AOAH: variants seen among roughly 807,000 people sequenced by gnomAD.
AOAH encodes the protein acyloxyacyl hydrolase (neutrophil).
AOAH carries 64 observed loss-of-function variants against 92.2 expected under a neutral mutation model. That is an observed-to-expected ratio of 0.69 (90% CI 0.57 to 0.86). The LOEUF is 0.86. Among genes scored for constraint, AOAH ranks in the 40% least tolerant of loss-of-function variants. AOAH has a pLI of 0.00. For missense variants in AOAH, 656 were observed against 694.6 expected, an observed-to-expected ratio of 0.94 and a Z score of 0.62; for synonymous variants, 263 against 254.5, an observed-to-expected ratio of 1.03 and a Z score of -0.32.
chr7:36,589,669 A>T (rs958276966), intron 12 of AOAH, among the ~76,000 whole-genome samples: 47 of 152,324 alleles, frequency 3.1e-4, no homozygotes, highest in Middle Eastern at 3.4e-3. Context: ...GGAATGCTAA[A>T]TGTTCCACCT....
At chr7:36,582,738 G>A (rs1191865899) in intron 12 of AOAH, among the ~76,000 whole-genome samples, 1 of 152,172 alleles carries the variant, frequency 6.6e-6, no homozygotes, top group Non-Finnish European at 1.5e-5. Flanking sequence ...GGCAAAAATG[G>A]AGTTCTTCCA....
chr7:36,692,369 A>G (rs1278660697), intron 1 of AOAH, among the ~76,000 whole-genome samples: 2 of 152,216 alleles, frequency 1.3e-5, no homozygotes, highest in African/African-American at 2.4e-5. Flanking sequence ...ATAGGGCTGA[A>G]TCTTCTTTTA....
chr7:36,653,298 A>G (rs1794692309), intron 4 of AOAH, among the ~76,000 whole-genome samples: 1 of 152,220 alleles, frequency 6.6e-6, no homozygotes, highest in South Asian at 2.1e-4. Context: ...TTCTTTTTCT[A>G]AACACTACCA....
intron 1 of AOAH, among the ~76,000 whole-genome samples, chr7:36,720,323 T>C (rs1000269741): frequency 1.4e-5 from 2 of 142,930 alleles, no homozygotes; most frequent in African/African-American, 2.5e-5. Context: ...CTAATTTTTG[T>C]ATATCTATAT....
At position 36,696,753 on chromosome 7, in the gene AOAH, G is replaced by A. The variant is rs186297923; in HGVS notation, c.128-9959C>T. Among the ~76,000 whole-genome samples the A allele has an allele frequency of 4.6e-5, 7 of 151,920 alleles. No individual in the cohort carries two copies. The East Asian group carries it at 7.7e-4, about 17-fold the overall frequency. On this transcript the variant is annotated intron_variant, in intron 1 of 20. Coordinates refer to ENST00000617537, the MANE Select transcript of AOAH (RefSeq NM_001637.4). ...TGCATGCCTGTAATCCCAGCTACTC[G>A]GGAGGCTGAGGCAGGAGAATTGCTT...
At chr7:36,549,583 GC>G in intron 13 of AOAH, 108 bp from the exon 14 acceptor site, 1 of 747,372 alleles carries the variant, frequency 1.3e-6, no homozygotes. Flanking sequence ...TACTGTTCGG[GC>G]AAAGGTTGTT....
intron 16 of AOAH, among the ~76,000 whole-genome samples, chr7:36,535,026 GTGTGTGTGTCTGTGTGTGTGTATGTGTC>G (rs1159213996): frequency 1.6e-5 from 2 of 124,910 alleles, no homozygotes; most frequent in Non-Finnish European, 3.3e-5. Flanking sequence ...GTCTGTGTCT[GTGTGTGTGTCTGTGTGTGTGTATGTGTC>G]TGTGTGTGTG....
intron 5 of AOAH, among the ~76,000 whole-genome samples, chr7:36,635,251 G>GT (rs1424700524): frequency 1.3e-5 from 2 of 152,202 alleles, no homozygotes; most frequent in East Asian, 3.9e-4. Flanking sequence ...AATCAGGGCT[G>GT]TCCCTGGGGA....
At chr7:36,517,224 C>CTTTCTTTCTTTCTTTCTT (rs1229778638) in intron 20 of AOAH, among the ~76,000 whole-genome samples, 2 of 47,586 alleles carry the variant, frequency 4.2e-5, no homozygotes, top group Non-Finnish European at 1.1e-4. Flanking sequence ...CTCTTTCTTT[C>CTTTCTTTCTTTCTTTCTT]TGTCTCTCTC....
chr7:36,568,346 T>C (rs964128416), intron 13 of AOAH, among the ~76,000 whole-genome samples: 5 of 152,248 alleles, frequency 3.3e-5, no homozygotes, highest in Non-Finnish European at 7.3e-5. Flanking sequence ...TTGCCTCTGC[T>C]GGTTCTCAAT....
intron 20 of AOAH, among the ~76,000 whole-genome samples, chr7:36,520,235 A>G (rs1474049384): frequency 6.6e-6 from 1 of 152,230 alleles, no homozygotes; most frequent in African/African-American, 2.4e-5. Context: ...TGGTCATTTG[A>G]TAGATGGGAT....
At chr7:36,648,167 T>G (rs1794353822) in intron 4 of AOAH, among the ~76,000 whole-genome samples, 1 of 152,160 alleles carries the variant, frequency 6.6e-6, no homozygotes, top group African/African-American at 2.4e-5. Flanking sequence ...CTCTTAGAGT[T>G]TTAAGCCTTC....
intron 1 of AOAH, among the ~76,000 whole-genome samples, chr7:36,718,841 A>C (rs1291656438): frequency 1.3e-5 from 2 of 152,188 alleles, no homozygotes; most frequent in Non-Finnish European, 2.9e-5. Context: ...GGAGCAGTGA[A>C]ATGTTCTGGA....
rs570557793 is a variant in AOAH at position 36,561,167 on chromosome 7, A to G, written c.1022-11692T>C. The stretch of plus-strand genomic sequence containing the variant: ...AGGGATTCTCCTGCCTCAGCCTCCC[A>G]TGTAGCTGGGATTACCAGCACCCAC... On this transcript the variant is annotated intron_variant, in intron 13 of 20. Transcript: ENST00000617537. 2.0e-5 allele frequency among the ~76,000 whole-genome samples: 3 copies of G among 149,934 alleles called. No homozygotes were observed. In the South Asian group the frequency reaches 6.3e-4, roughly 32 times the overall value.
chr7:36,579,093 G>C (rs558816954), intron 12 of AOAH, among the ~76,000 whole-genome samples: 48 of 152,200 alleles, frequency 3.2e-4, no homozygotes, highest in African/African-American at 1.2e-3. Context: ...CAACAGGGAT[G>C]GTGCTTAACC....
chr7:36,687,151 C>T (rs564796236), intron 1 of AOAH, among the ~76,000 whole-genome samples: 1 of 152,066 alleles, frequency 6.6e-6, no homozygotes, highest in Admixed American at 6.6e-5. Context: ...CATTTGAAGT[C>T]GAAAGATCTA....
At chr7:36,673,268 G>T (rs1045703770) in intron 3 of AOAH, among the ~76,000 whole-genome samples, 1 of 152,202 alleles carries the variant, frequency 6.6e-6, no homozygotes, top group Non-Finnish European at 1.5e-5. Flanking sequence ...AGCTGGGCCT[G>T]GTGGCTCATA....
At chr7:36,626,731 A>T (rs1179580457) in intron 6 of AOAH, among the ~76,000 whole-genome samples, 2 of 152,214 alleles carry the variant, frequency 1.3e-5, no homozygotes, top group African/African-American at 4.8e-5. Flanking sequence ...ACTAGAATAT[A>T]AAAAACCTGA....
Position 36,625,523 on chromosome 7 carries a change from G to A in AOAH, c.522-2273C>T, listed in dbSNP as rs552946909. 3.9e-5 allele frequency among the ~76,000 whole-genome samples: 6 copies of A among 152,280 alleles called. No homozygotes were observed. In the East Asian group the frequency reaches 7.7e-4, roughly 20 times the overall value. ...CTGTGATTATGAGTGCCTGCTGTCC[G>A]AAAGAGGAAATTCACCTCCCCCTTC... On this transcript the variant is annotated intron_variant, in intron 6 of 20. Coordinates refer to ENST00000617537, the MANE Select transcript of AOAH (RefSeq NM_001637.4).
Sources: gnomAD v4.1 joint callset for allele counts (sites outside exome capture counted in the v4.1 genomes callset) on GRCh38, gnomAD v4.1.1 for gene constraint, MANE v1.5 for transcripts, NCBI Gene and HGNC (gene_info 2026-07-23, HGNC 2026-07-21) for gene names.